Variants in KIAA1217 observed in about 807,000 individuals in gnomAD.
KIAA1217 encodes the protein sickle tail protein homolog.
In KIAA1217, 88 loss-of-function variants were observed where a neutral mutation model predicts 163.9. The observed-to-expected ratio is 0.54, with a 90% CI of 0.45 to 0.64. The LOEUF (loss-of-function observed/expected upper bound fraction) is 0.64, where lower values mean the gene tolerates loss of function less well. KIAA1217 is among the 30% of genes least tolerant of loss of function. The pLI is 0.00. For synonymous variants in KIAA1217, 903 were observed against 923.1 expected (o/e 0.98, Z 0.39); for missense variants, 2,372 against 2,475.0 (o/e 0.96, Z 0.88).
Position 23,703,701 on chromosome 10 carries a change from A to G in KIAA1217, c.-321+8467A>G, listed in dbSNP as rs116881044. The stretch of plus-strand genomic sequence containing the variant: ...CTAACAATGATGTAAAAGAAAGGGT[A>G]TGTTTTCCTCTTATTCTTTCTCCTC... On this transcript the variant is annotated intron_variant, in intron 1 of 18. Transcript: ENST00000376462. Among the ~76,000 whole-genome samples, 92 of 152,160 alleles carry G rather than the reference A, an allele frequency of 6.0e-4. No homozygotes were observed. In the East Asian group the frequency reaches 0.013, roughly 22 times the overall value.
At chr10:24,049,429 T>G (rs1221295907) in intron 2 of KIAA1217, among the ~76,000 whole-genome samples, 4 of 152,198 alleles carry the variant, frequency 2.6e-5, no homozygotes, top group African/African-American at 9.7e-5. Flanking sequence ...TTGTTATACT[T>G]TAAGTTCTGG....
chr10:24,447,299 A>T (rs962819679), intron 5 of KIAA1217, among the ~76,000 whole-genome samples: 4 of 151,746 alleles, frequency 2.6e-5, no homozygotes, highest in Non-Finnish European at 5.9e-5. Flanking sequence ...ACAATGTGTT[A>T]TATATGTATA....
chr10:24,469,157 G>A (rs1178960778), intron 5 of KIAA1217, among the ~76,000 whole-genome samples: 1 of 151,810 alleles, frequency 6.6e-6, no homozygotes, highest in African/African-American at 2.4e-5. Flanking sequence ...AGAGAGTCTT[G>A]CTGTGTCGCC....
rs371443554 is a variant in KIAA1217, at chr10:23,925,332, G to A, written c.-320-81893G>A. ...TTACTAAGCCAGTGCCAGGCCCTGG[G>A]TTAGGCACTAGAGAGGCATCAGGAA... On this transcript the variant is annotated intron_variant, in intron 1 of 18. Transcript: ENST00000376462. Among the ~76,000 whole-genome samples the A allele has an allele frequency of 5.3e-5, 8 of 152,110 alleles. No individual in the cohort carries two copies. In the South Asian group the frequency reaches 1.2e-3, roughly 24 times the overall value.
In KIAA1217 at chr10:24,276,744, G is replaced by A. The variant is rs572372851; in HGVS notation, c.354+56835G>A. Among the ~76,000 whole-genome samples the A allele has an allele frequency of 2.4e-4, 37 of 152,044 alleles. No individual in the cohort carries two copies. In the South Asian group the frequency reaches 7.3e-3, roughly 30 times the overall value. ...CCTGCCTCAGCCTCCTGAGTAGCTG[G>A]GACTACAAGCATGTGCTACTACGCC... On this transcript the variant is annotated intron_variant, in intron 2 of 20. Transcript: ENST00000376454.
At chr10:23,841,124 T>TA (rs1460311109) in intron 1 of KIAA1217, among the ~76,000 whole-genome samples, 1 of 152,228 alleles carries the variant, frequency 6.6e-6, no homozygotes, top group Non-Finnish European at 1.5e-5. Context: ...CAGCATATGG[T>TA]AAGCACTATA....
At chr10:24,442,575 T>C (rs2060584708) in intron 5 of KIAA1217, among the ~76,000 whole-genome samples, 2 of 152,190 alleles carry the variant, frequency 1.3e-5, no homozygotes, top group African/African-American at 4.8e-5. Context: ...AAAAAATTCC[T>C]AATCTTTTTT....
intron 3 of KIAA1217, among the ~76,000 whole-genome samples, chr10:24,429,660 C>T (rs968944936): frequency 2.0e-5 from 3 of 152,050 alleles, no homozygotes; most frequent in African/African-American, 2.4e-5. Flanking sequence ...TGTTCTCTTC[C>T]GAGTTTCTTT....
At chr10:24,162,913 A>G (rs1309428744) in intron 2 of KIAA1217, among the ~76,000 whole-genome samples, 3 of 152,326 alleles carry the variant, frequency 2.0e-5, no homozygotes, top group South Asian at 4.1e-4. Flanking sequence ...GAGCAATTTC[A>G]TGACATAGCA....
chr10:24,087,135 GA>G (rs1328581160), intron 2 of KIAA1217, among the ~76,000 whole-genome samples: 1 of 152,158 alleles, frequency 6.6e-6, no homozygotes, highest in Non-Finnish European at 1.5e-5. Flanking sequence ...TAGAATGGGA[GA>G]AAAAATTAGT....
At chr10:24,220,446 CTTTTTT>C (rs530992369) in intron 2 of KIAA1217, among the ~76,000 whole-genome samples, 75 of 103,084 alleles carry the variant, frequency 7.3e-4, no homozygotes, top group African/African-American at 3.5e-3. Context: ...TTCTGCTCTT[CTTTTTT>C]TTTTTTTTTT....
intron 2 of KIAA1217, among the ~76,000 whole-genome samples, chr10:24,034,048 T>A (rs1564624069): frequency 6.6e-6 from 1 of 152,256 alleles, no homozygotes; most frequent in East Asian, 1.9e-4. Flanking sequence ...TGGTATTTTA[T>A]AGCCATTAAA....
chr10:24,483,632 A>T (rs2064983398), intron 6 of KIAA1217, among the ~76,000 whole-genome samples: 1 of 152,088 alleles, frequency 6.6e-6, no homozygotes, highest in Non-Finnish European at 1.5e-5. Flanking sequence ...TGGGGAGTTC[A>T]TTTCCACAGT....
At chr10:23,877,460 C>T (rs2131179456) in intron 1 of KIAA1217, 1 of 151,488 alleles carries the variant, frequency 6.6e-6, no homozygotes, top group Non-Finnish European at 1.5e-5. Context: ...GAGCAAAACT[C>T]TTTCTATGGC....
At chr10:23,824,488 CATG>C (rs1224879703) in intron 1 of KIAA1217, among the ~76,000 whole-genome samples, 41,482 of 147,814 alleles carry the variant, frequency 0.28, 7,064 homozygotes, top group African/African-American at 0.43. Context: ...ATTAGCTCAG[CATG>C]GTGACATGGG....
Position 24,544,201 on chromosome 10 carries a change from C to T in KIAA1217, c.4931C>T (p.Pro1644Leu). The T allele has an allele frequency of 1.9e-6, 3 of 1,613,952 alleles. No homozygotes were observed. The highest frequency in any genetic ancestry group is 2.5e-6 in the Non-Finnish European group (3 of 1,179,972). Reference sequence around the variant, plus strand: ...AACACAGTGAGGAGGCAAGAGCAGCCCAGCATCGAGAGTACATCTCCGATT... The same window carrying T: ...AACACAGTGAGGAGGCAAGAGCAGCTCAGCATCGAGAGTACATCTCCGATT... Reference protein sequence around the residue: ...PENTVRRQEQPSIESTSPISR... With the variant: ...PENTVRRQEQLSIESTSPISR... The change falls in exon 19 of 21, where the codon CCC becomes CTC. Residue 1644 changes from proline (P) to leucine (L), a missense_variant. Coordinates refer to ENST00000376454, the MANE Select transcript of KIAA1217 (RefSeq NM_019590.5).
intron 9 of KIAA1217, among the ~76,000 whole-genome samples, chr10:24,513,058 C>T (rs1246248789): frequency 6.6e-6 from 1 of 152,098 alleles, no homozygotes; most frequent in Non-Finnish European, 1.5e-5. Flanking sequence ...AGTCTGGTTG[C>T]CAGTTGGCTG....
intron 1 of KIAA1217, among the ~76,000 whole-genome samples, chr10:23,762,701 C>A (rs1834320936): frequency 6.6e-6 from 1 of 152,144 alleles, no homozygotes; most frequent in Non-Finnish European, 1.5e-5. Context: ...CCCTTGAAAA[C>A]TGGCACAAGA....
At chr10:23,748,858 A>G (rs563017480) in intron 1 of KIAA1217, among the ~76,000 whole-genome samples, 1 of 152,122 alleles carries the variant, frequency 6.6e-6, no homozygotes, top group African/African-American at 2.4e-5. Flanking sequence ...TGGCTCCTGT[A>G]TCTCCTTTAC....
Sources: allele counts gnomAD v4.1 joint callset (sites outside exome capture counted in the v4.1 genomes callset), GRCh38; gene constraint gnomAD v4.1.1; transcripts MANE v1.5; gene names NCBI Gene and HGNC (gene_info 2026-07-23, HGNC 2026-07-21).